The following SEMA3F variants were observed in gnomAD, a reference collection of about 807,000 sequenced individuals.
SEMA3F encodes semaphorin-3F.
SEMA3F carries 30 observed loss-of-function variants against 98.5 expected under a neutral mutation model. The observed-to-expected ratio is 0.30, with a 90% CI of 0.23 to 0.41. The LOEUF is 0.41. SEMA3F is among the 10% of genes least tolerant of loss of function. The probability of loss-of-function intolerance (pLI) is 1.00; values close to 1 mark genes in which losing one functional copy is unlikely to be tolerated. For missense variants in SEMA3F, 866 were observed against 1,119.3 expected (o/e 0.77, Z 3.23); for synonymous variants, 380 against 444.8 (o/e 0.85, Z 1.83).
intron 2 of SEMA3F, among the ~76,000 whole-genome samples, chr3:50,169,641 T>C (rs1698529732): frequency 6.6e-6 from 1 of 152,064 alleles, no homozygotes; most frequent in African/African-American, 2.4e-5. Context: ...CACAGAACCC[T>C]TGATTGTGCC....
chr3:50,178,481 G>A (rs2109100428), intron 7 of SEMA3F, among the ~76,000 whole-genome samples: 1 of 152,164 alleles, frequency 6.6e-6, no homozygotes, highest in South Asian at 2.1e-4. Flanking sequence ...AGGACTTTGG[G>A]AGGCTGAGGC....
chr3:50,159,878 C>A (rs551899520), intron 2 of SEMA3F, 144 bp downstream of exon 2: 1 of 638,046 alleles, frequency 1.6e-6, no homozygotes, highest in African/African-American at 1.9e-5. Context: ...GAAGGGAGAC[C>A]GGGGAGGTGG....
chr3:50,172,773 C>G (rs1329660411), intron 2 of SEMA3F, among the ~76,000 whole-genome samples: 1 of 152,118 alleles, frequency 6.6e-6, no homozygotes, highest in East Asian at 1.9e-4. Flanking sequence ...CAAGTGAGGA[C>G]CTTGCTGTGC....
At chr3:50,174,510 T>C (rs1698733859) in intron 5 of SEMA3F, among the ~76,000 whole-genome samples, 160 bp downstream of exon 5, 1 of 152,238 alleles carries the variant, frequency 6.6e-6, no homozygotes, top group Non-Finnish European at 1.5e-5. Flanking sequence ...TTTCTTCACT[T>C]GAAAATGGGG....
intron 7 of SEMA3F, among the ~76,000 whole-genome samples, chr3:50,179,328 CT>C (rs112950022): frequency 2.9e-3 from 400 of 137,416 alleles, no homozygotes; most frequent in Middle Eastern, 3.9e-3. Flanking sequence ...TTCTTTCTTT[CT>C]TTTTTTTTTT....
At chr3:50,180,477 A>G (rs1328037783) in intron 7 of SEMA3F, among the ~76,000 whole-genome samples, 1 of 152,292 alleles carries the variant, frequency 6.6e-6, no homozygotes, top group East Asian at 1.9e-4. Flanking sequence ...TTTGACTTAA[A>G]GTGAGAGATA....
chr3:50,187,293 C>T (rs2109127665), intron 18 of SEMA3F, among the ~76,000 whole-genome samples: 1 of 152,082 alleles, frequency 6.6e-6, no homozygotes, highest in Non-Finnish European at 1.5e-5. Flanking sequence ...TGGGCATAGT[C>T]ATGCATGTGG....
Position 50,182,501 on chromosome 3 carries a change from G to A in SEMA3F, c.763+98G>A. 1 of 1,585,636 alleles carries A rather than the reference G, an allele frequency of 6.3e-7. No individual in the cohort carries two copies. The highest frequency in any genetic ancestry group is 1.7e-5 in the Admixed American group (1 of 59,628). On this transcript the variant is annotated intron_variant, in intron 8 of 18. Transcript: ENST00000002829. The surrounding 1 kb of genome is among the most constrained non-coding windows in gnomAD (Gnocchi z 4.5). ...TGTGGGGGAAGTGGGGACATGTTTA[G>A]CCTATGACTACCTGGGGCAGGGGTA...
At chr3:50,175,500 G>A (rs935323306) in intron 6 of SEMA3F, among the ~76,000 whole-genome samples, 2 of 152,264 alleles carry the variant, frequency 1.3e-5, no homozygotes, top group Admixed American at 6.5e-5. Context: ...ACACACCGGT[G>A]TGGATGTGGG....
chr3:50,160,122 C>A (rs1338502473), intron 2 of SEMA3F, among the ~76,000 whole-genome samples: 1 of 152,144 alleles, frequency 6.6e-6, no homozygotes, highest in Non-Finnish European at 1.5e-5. Flanking sequence ...CCCTGAGCAG[C>A]CCCTGGGGTG....
chr3:50,179,486 C>T (rs540871939), intron 7 of SEMA3F, among the ~76,000 whole-genome samples: 237 of 152,144 alleles, frequency 1.6e-3, no homozygotes, highest in Non-Finnish European at 2.9e-3. Flanking sequence ...CCACCATGCC[C>T]GGCTAATTTT....
intron 2 of SEMA3F, among the ~76,000 whole-genome samples, chr3:50,171,117 T>G (rs1302868274): frequency 1.3e-5 from 2 of 152,074 alleles, no homozygotes; most frequent in Non-Finnish European, 2.9e-5. Flanking sequence ...GCACAGCGGG[T>G]GTTCGATAAC....
chr3:50,178,357 A>T (rs1203304045), intron 7 of SEMA3F, among the ~76,000 whole-genome samples: 1 of 152,182 alleles, frequency 6.6e-6, no homozygotes, highest in African/African-American at 2.4e-5. Context: ...CAGAGCTCTG[A>T]TGGAGACCAA....
At chr3:50,184,528 A>G in intron 12 of SEMA3F, 64 bp from the exon 13 acceptor site, 1 of 1,231,482 alleles carries the variant, frequency 8.1e-7, no homozygotes, top group South Asian at 1.2e-5. Context: ...CCTCTTCTGA[A>G]GCTAATGGCT....
In SEMA3F at chr3:50,157,676, G is replaced by C. The variant is rs545556547; in HGVS notation, c.-48-1899G>C. 2.6e-5 allele frequency among the ~76,000 whole-genome samples: 4 copies of C among 152,234 alleles called. No individual in the cohort carries two copies. In the South Asian group the frequency reaches 8.3e-4, roughly 32 times the overall value. On this transcript the variant is annotated intron_variant, in intron 1 of 18. Coordinates refer to ENST00000002829, the MANE Select transcript of SEMA3F (RefSeq NM_004186.5). Reference sequence around the variant, plus strand: ...ACCTGGACTTGAGACTGAGGCCCCAGCAAACTTGAGCCCCTCCCCATTCAC... The same window carrying C: ...ACCTGGACTTGAGACTGAGGCCCCACCAAACTTGAGCCCCTCCCCATTCAC...
rs182660760 is a variant in SEMA3F, at chr3:50,185,545, C to T, written c.1545+14C>T. 4,519 of 1,613,188 alleles carry T rather than the reference C, an allele frequency of 2.8e-3. 29 individuals are homozygous for T. The highest frequency in any genetic ancestry group is 0.016 in the South Asian group (1,434 of 91,036). The stretch of plus-strand genomic sequence containing the variant: ...GAGGTCTTCAAGGTGGGTGTGACAC[C>T]ACCCAGTCCTGACCTCCCCACCTTT... On this transcript the variant is annotated intron_variant, in intron 14 of 18. Transcript: ENST00000002829.
At position 50,182,998 on chromosome 3, in the gene SEMA3F, A is replaced by C. The variant is rs776224826; in HGVS notation, c.998A>C (p.Glu333Ala). The C allele has an allele frequency of 6.2e-7, 1 of 1,613,840 alleles. No individual in the cohort carries two copies. The highest frequency in any genetic ancestry group is 1.1e-5 in the South Asian group (1 of 91,086). The change falls in exon 10 of 19, where the codon GAG becomes GCG. Residue 333 changes from glutamate (E) to alanine (A), a missense_variant. Glu to Ala is a moderately radical substitution (Grantham distance 107). Around this residue, in one of 3 missense-constraint regions of SEMA3F, gnomAD observed 374 missense variants for 582.8 expected, o/e 0.64. Coordinates refer to ENST00000002829, the MANE Select transcript of SEMA3F (RefSeq NM_004186.5). This position sits in a 1 kb window ranked among gnomAD's most constrained non-coding sequence, Gnocchi z 4.5. ...VCSVPGEDGI[E>A]THFDELQDVF... The stretch of plus-strand genomic sequence containing the variant: ...TCTGTCCCGGGCGAGGATGGCATTG[A>C]GACTCACTTTGATGAGCTCCGTGAG...
chr3:50,178,277 C>A (rs971375303), intron 7 of SEMA3F, among the ~76,000 whole-genome samples: 2 of 151,990 alleles, frequency 1.3e-5, no homozygotes, highest in African/African-American at 4.8e-5. Context: ...TGAAATTGAT[C>A]TATGGGCTGC....
At position 50,187,997 on chromosome 3, in the gene SEMA3F, A is replaced by C; in HGVS notation, c.2240A>C (p.Gln747Pro). 2.5e-6 allele frequency: 4 copies of C among 1,606,154 alleles called. No individual in the cohort carries two copies. Among genetic ancestry groups the C allele is most frequent in the Non-Finnish European group, 3.4e-6 (4 of 1,177,308 alleles). ...PEVGLIHQYCQGYWRHVPPSP... is the reference protein window; with the variant it reads ...PEVGLIHQYCPGYWRHVPPSP... The stretch of plus-strand genomic sequence containing the variant: ...GTGGGCCTCATCCACCAGTACTGCC[A>C]GGGTTACTGGCGCCATGTGCCCCCC... The change falls in exon 19 of 19, where the codon CAG becomes CCG. Residue 747 changes from glutamine (Q) to proline (P), a missense_variant. Around this residue, in one of 3 missense-constraint regions of SEMA3F, gnomAD observed 245 missense variants for 260.5 expected, o/e 0.94. Transcript: ENST00000002829.
Sources: allele counts gnomAD v4.1 joint callset (sites outside exome capture counted in the v4.1 genomes callset), GRCh38; gene constraint gnomAD v4.1.1; regional missense constraint gnomAD v4.1.1; non-coding constraint Gnocchi (gnomAD v3.1); transcripts MANE v1.5; gene names NCBI Gene and HGNC (gene_info 2026-07-23, HGNC 2026-07-21).